ARSG: variants seen among roughly 807,000 people sequenced by gnomAD.
ARSG encodes arylsulfatase G.
Under a neutral mutation model 50.5 loss-of-function variants are expected in ARSG, and 37 were observed. The ratio of observed to expected loss-of-function variants is 0.73; its 90% confidence interval spans 0.56 to 0.96. The LOEUF (loss-of-function observed/expected upper bound fraction) is 0.96. Ranked by LOEUF, ARSG falls within the 50% of genes least tolerant of loss-of-function variation. The pLI, the probability that ARSG is intolerant of heterozygous loss-of-function variation, is 0.00. For missense variants in ARSG, 629 were observed against 675.3 expected, an observed-to-expected ratio of 0.93 and a Z score of 0.76; for synonymous variants, 225 against 254.6, an observed-to-expected ratio of 0.88 and a Z score of 1.11.
At chr17:68,272,814 G>A (rs1555749501) in intron 1 of ARSG, 1 of 1,604,708 alleles carries the variant, frequency 6.2e-7, no homozygotes, top group Admixed American at 1.7e-5. Flanking sequence ...CATACTGCTT[G>A]AGACTGGAAG....
intron 2 of ARSG, among the ~76,000 whole-genome samples, chr17:68,321,722 T>C (rs73998085): frequency 0.01 from 1,581 of 152,310 alleles, 24 homozygotes; most frequent in African/African-American, 0.036. Context: ...CAAGTTGCTT[T>C]GGTTTCTGTC....
chr17:68,306,182 A>G (rs1419424504), intron 1 of ARSG, among the ~76,000 whole-genome samples: 1 of 151,848 alleles, frequency 6.6e-6, no homozygotes, highest in Non-Finnish European at 1.5e-5. Flanking sequence ...TTGTATTTTT[A>G]GTAGAACTGG....
At chr17:68,350,596 T>C (rs1490332214) in intron 4 of ARSG, among the ~76,000 whole-genome samples, 1 of 151,776 alleles carries the variant, frequency 6.6e-6, no homozygotes, top group Admixed American at 6.6e-5. Flanking sequence ...CCATCCTGGC[T>C]AACACGGTGA....
intron 2 of ARSG, among the ~76,000 whole-genome samples, chr17:68,320,887 G>A (rs1447396035): frequency 4.6e-5 from 7 of 152,094 alleles, no homozygotes; most frequent in South Asian, 2.1e-4. Context: ...TCGCATTGTC[G>A]TATACCTTGT....
the ARSG span, chr17:68,434,720 A>G: frequency 7.7e-7 from 1 of 1,294,850 alleles, no homozygotes; most frequent in Non-Finnish European, 1.1e-6. Context: ...GGTTTTGAAC[A>G]TCTGTCTCTG....
chr17:68,315,000 C>T (rs1555768012), intron 2 of ARSG, among the ~76,000 whole-genome samples: 1 of 152,180 alleles, frequency 6.6e-6, no homozygotes, highest in African/African-American at 2.4e-5. Context: ...CTAACCCTTA[C>T]CAAGCTCTTG....
At chr17:68,340,571 C>T (rs2078224229) in intron 2 of ARSG, among the ~76,000 whole-genome samples, 1 of 152,138 alleles carries the variant, frequency 6.6e-6, no homozygotes. Context: ...CAGGTGTGAG[C>T]CACCACGCCA....
chr17:68,267,481 T>C (rs1555746757), intron 1 of ARSG: 1 of 152,210 alleles, frequency 6.6e-6, no homozygotes, highest in Non-Finnish European at 1.5e-5. Flanking sequence ...CAGGTGGTGA[T>C]GAACTATGCC....
chr17:68,446,443 A>G, the ARSG span, among the ~76,000 whole-genome samples: 1 of 151,980 alleles, frequency 6.6e-6, no homozygotes, highest in Non-Finnish European at 1.5e-5. Context: ...CGGCCTCCCA[A>G]AGTGCTGGGA....
At chr17:68,316,464 A>G (rs2077073920) in intron 2 of ARSG, among the ~76,000 whole-genome samples, 1 of 152,216 alleles carries the variant, frequency 6.6e-6, no homozygotes, top group Non-Finnish European at 1.5e-5. Flanking sequence ...TGCCTGGCAC[A>G]TGGTAGGTGC....
intron 1 of ARSG, among the ~76,000 whole-genome samples, chr17:68,297,614 A>T (rs1000446644): frequency 4.6e-5 from 7 of 152,130 alleles, no homozygotes; most frequent in Admixed American, 1.3e-4. Context: ...TTATGTTTTT[A>T]TCTTTTTTTA....
downstream of ARSG, among the ~76,000 whole-genome samples, chr17:68,423,422 T>C (rs755014501): frequency 3.3e-5 from 5 of 152,200 alleles, no homozygotes; most frequent in Admixed American, 6.5e-5. The surrounding 1 kb of genome is among the most constrained non-coding windows in gnomAD (Gnocchi z 4.4). Flanking sequence ...CATCACCATC[T>C]ACCTGCAGGC....
intron 3 of ARSG, among the ~76,000 whole-genome samples, chr17:68,346,003 G>A (rs2078486150): frequency 6.6e-6 from 1 of 152,066 alleles, no homozygotes; most frequent in Non-Finnish European, 1.5e-5. Context: ...AGCCTCCCGA[G>A]TAGTTGGGAT....
chr17:68,355,954 T>G (rs1163977338), intron 5 of ARSG, among the ~76,000 whole-genome samples: 2 of 152,106 alleles, frequency 1.3e-5, no homozygotes, highest in Non-Finnish European at 2.9e-5. Context: ...TGATCTCAGT[T>G]CACTGCAACC....
chr17:68,394,692 G>C (rs889695609), intron 9 of ARSG, among the ~76,000 whole-genome samples: 1 of 152,262 alleles, frequency 6.6e-6, no homozygotes, highest in African/African-American at 2.4e-5. Flanking sequence ...ACAATCCAAG[G>C]TTCCAGGCAT....
At chr17:68,308,416 G>A (rs968339707) in intron 2 of ARSG, among the ~76,000 whole-genome samples, 5 of 152,150 alleles carry the variant, frequency 3.3e-5, no homozygotes, top group African/African-American at 7.2e-5. Context: ...TTCACGGTGA[G>A]TGTTACAGTT....
rs568083328 is a variant in ARSG, at chr17:68,321,182, A to G, written c.218+13471A>G. 3.0e-4 allele frequency among the ~76,000 whole-genome samples: 46 copies of G among 152,312 alleles called. 3 individuals carry two copies. In the South Asian group the frequency reaches 9.1e-3, roughly 30 times the overall value. On this transcript the variant is annotated intron_variant, in intron 2 of 11. Transcript: ENST00000621439. ...GACAACATAGCAAGACCCCATCTCA[A>G]AAAAAGGAGAAAGAAACAAAAAGAA...
the ARSG span, among the ~76,000 whole-genome samples, chr17:68,434,050 G>A: frequency 2.6e-5 from 4 of 151,948 alleles, no homozygotes; most frequent in Non-Finnish European, 5.9e-5. Flanking sequence ...GATTACAGAC[G>A]TGAGCCACCG....
At chr17:68,318,239 G>T (rs1405013058) in intron 2 of ARSG, among the ~76,000 whole-genome samples, 1 of 152,222 alleles carries the variant, frequency 6.6e-6, no homozygotes, top group Non-Finnish European at 1.5e-5. Flanking sequence ...AGCTCTTCAT[G>T]CAGTCTGAAA....
Sources: allele counts gnomAD v4.1 joint callset (sites outside exome capture counted in the v4.1 genomes callset), GRCh38; gene constraint gnomAD v4.1.1; non-coding constraint Gnocchi (gnomAD v3.1); transcripts MANE v1.5; gene names NCBI Gene and HGNC (gene_info 2026-07-23, HGNC 2026-07-21).